Variants in TXNDC9 observed in about 807,000 individuals in gnomAD.
The protein encoded by TXNDC9 is thioredoxin domain-containing protein 9.
Under a neutral mutation model 23.0 loss-of-function variants are expected in TXNDC9, and 7 were observed. The ratio of observed to expected loss-of-function variants is 0.30; its 90% confidence interval spans 0.17 to 0.57. TXNDC9 has a LOEUF of 0.57. Among genes scored for constraint, TXNDC9 ranks in the 20% least tolerant of loss-of-function variants. The pLI, the probability that TXNDC9 is intolerant of heterozygous loss-of-function variation, is 0.90. For synonymous variants in TXNDC9, 72 were observed against 90.6 expected, an observed-to-expected ratio of 0.79 and a Z score of 1.17; for missense variants, 198 against 252.6, an observed-to-expected ratio of 0.78 and a Z score of 1.47.
At position 99,336,301 on chromosome 2, in the gene TXNDC9, G is replaced by C. The variant is rs890969367; in HGVS notation, c.-95C>G. 3 of 985,388 alleles carry C rather than the reference G, an allele frequency of 3.0e-6. No individual in the cohort carries two copies. The African/African-American group carries it at 5.2e-5, about 17-fold the overall frequency. 61.0% of individuals were successfully genotyped at this position (985,388 alleles called of 1,614,324 possible). A position where few individuals can be genotyped will look rare whatever the true frequency, so the allele number is the denominator to read the frequency against. On this transcript the variant is annotated 5_prime_UTR_variant, in exon 1 of 5. Transcript: ENST00000264255. ...CAGTTTCAAAAGACACGTCCACTCC[G>C]GCTTTTGCCTTGCAGTAGCTGCCGG...
downstream of TXNDC9, among the ~76,000 whole-genome samples, chr2:99,318,741 G>A (rs1000865113): frequency 6.6e-6 from 1 of 152,160 alleles, no homozygotes; most frequent in Non-Finnish European, 1.5e-5. Flanking sequence ...ATATTCCTGG[G>A]TTAGAGTTTC....
At position 99,319,495 on chromosome 2, in the gene TXNDC9, T is replaced by A; in HGVS notation, c.*187A>T. ...CTTCCCAGATAATTTAAGAACTGAG[T>A]TTTCCTCAACTTAAACATGATGGCC... On this transcript the variant is annotated 3_prime_UTR_variant, in exon 5 of 5. Coordinates refer to ENST00000264255, the MANE Select transcript of TXNDC9 (RefSeq NM_005783.4). 2.1e-6 allele frequency: 1 copy of A among 477,962 alleles called. No individual in the cohort carries two copies. Among genetic ancestry groups the A allele is most frequent in the Non-Finnish European group, 3.7e-6 (1 of 273,376 alleles). 29.6% of individuals were successfully genotyped at this position (477,962 alleles called of 1,614,324 possible).
At chr2:99,309,760 C>T in the TXNDC9 span, among the ~76,000 whole-genome samples, 1 of 152,128 alleles carries the variant, frequency 6.6e-6, no homozygotes, top group Non-Finnish European at 1.5e-5. Context: ...AATCTCAGCT[C>T]ACTGCAACTT....
intron 3 of TXNDC9, chr2:99,322,485 G>A: frequency 2.9e-6 from 4 of 1,381,012 alleles, no homozygotes; most frequent in Non-Finnish European, 3.8e-6. Context: ...AGTCATAAAG[G>A]AAGTTGTCCT....
downstream of TXNDC9, among the ~76,000 whole-genome samples, chr2:99,318,588 A>G (rs2094194840): frequency 6.6e-6 from 1 of 152,150 alleles, no homozygotes; most frequent in African/African-American, 2.4e-5. Flanking sequence ...CACAGTCTAC[A>G]AGGGGGAAAG....
At chr2:99,329,438 A>G (rs988746768) in intron 2 of TXNDC9, among the ~76,000 whole-genome samples, 4 of 152,194 alleles carry the variant, frequency 2.6e-5, no homozygotes, top group African/African-American at 9.6e-5. Context: ...CCAACCAAAG[A>G]GCCAGGAGGG....
chr2:99,306,823 G>A, the TXNDC9 span: 6 of 454,276 alleles, frequency 1.3e-5, no homozygotes, highest in African/African-American at 1.0e-4. Context: ...ACACAGTCTT[G>A]GCCATTCATT....
chr2:99,320,405 T>C (rs537322388), intron 4 of TXNDC9, among the ~76,000 whole-genome samples: 2 of 152,332 alleles, frequency 1.3e-5, no homozygotes, highest in Non-Finnish European at 2.9e-5. Flanking sequence ...CCTCCCGATA[T>C]GATGCATCAC....
chr2:99,328,217 T>A (rs2094217289), intron 2 of TXNDC9, among the ~76,000 whole-genome samples: 1 of 151,222 alleles, frequency 6.6e-6, no homozygotes. Context: ...TACGTCAGTC[T>A]CCCAAGGAAT....
At chr2:99,325,460 T>C (rs1479272789) in intron 3 of TXNDC9, among the ~76,000 whole-genome samples, 4 of 152,302 alleles carry the variant, frequency 2.6e-5, no homozygotes, top group African/African-American at 4.8e-5. Context: ...ATAATATACA[T>C]GAAAGCATCC....
chr2:99,313,390 C>T, the TXNDC9 span, among the ~76,000 whole-genome samples: 3 of 152,194 alleles, frequency 2.0e-5, no homozygotes, highest in East Asian at 5.8e-4. Flanking sequence ...CCTACTTTTC[C>T]CTAGACATTT....
intron 2 of TXNDC9, among the ~76,000 whole-genome samples, chr2:99,331,552 C>T (rs1354620830): frequency 1.3e-5 from 2 of 151,512 alleles, no homozygotes; most frequent in Non-Finnish European, 2.9e-5. Context: ...GAAAAGCAGC[C>T]TATTTTTTAA....
At chr2:99,318,121 C>T (rs576847733), downstream of TXNDC9, among the ~76,000 whole-genome samples, 7 of 148,958 alleles carry the variant, frequency 4.7e-5, no homozygotes, top group East Asian at 1.4e-3. Flanking sequence ...GAACTCCTAA[C>T]CTCAAGTGAT....
intron 2 of TXNDC9, among the ~76,000 whole-genome samples, chr2:99,329,081 G>A (rs1468105863): frequency 6.6e-6 from 1 of 152,188 alleles, no homozygotes; most frequent in Non-Finnish European, 1.5e-5. Flanking sequence ...AGCCCTGTCT[G>A]CTTTTGATAA....
intron 2 of TXNDC9, among the ~76,000 whole-genome samples, chr2:99,331,376 A>C (rs1385121336): frequency 6.6e-6 from 1 of 151,912 alleles, no homozygotes; most frequent in Non-Finnish European, 1.5e-5. Flanking sequence ...GGAATTTGAG[A>C]CCAGCCTGAC....
chr2:99,323,486 A>G (rs2094207014), intron 3 of TXNDC9, among the ~76,000 whole-genome samples: 1 of 151,858 alleles, frequency 6.6e-6, no homozygotes, highest in African/African-American at 2.4e-5. Flanking sequence ...CTGTAATCCC[A>G]ACACTTTGGG....
the TXNDC9 span, among the ~76,000 whole-genome samples, chr2:99,312,518 G>T: frequency 1.3e-5 from 2 of 148,296 alleles, no homozygotes; most frequent in South Asian, 4.3e-4. Context: ...AAAAAAGAAA[G>T]AAAATATTTT....
downstream of TXNDC9, among the ~76,000 whole-genome samples, chr2:99,314,558 T>G (rs2094184317): frequency 2.2e-5 from 2 of 91,218 alleles, no homozygotes; most frequent in Non-Finnish European, 4.2e-5. Context: ...TGAGACAGAG[T>G]CTCACTCTGT....
At chr2:99,310,897 G>A in the TXNDC9 span, among the ~76,000 whole-genome samples, 1 of 152,200 alleles carries the variant, frequency 6.6e-6, no homozygotes, top group Non-Finnish European at 1.5e-5. Flanking sequence ...GCTGCCTCTT[G>A]GCCATCGTTT....
Sources: gnomAD v4.1 joint callset for allele counts (sites outside exome capture counted in the v4.1 genomes callset) on GRCh38, gnomAD v4.1.1 for gene constraint, MANE v1.5 for transcripts, NCBI Gene and HGNC (gene_info 2026-07-23, HGNC 2026-07-21) for gene names.